Variants in LRRC4C observed in about 807,000 individuals in gnomAD.
The protein encoded by LRRC4C is leucine-rich repeat-containing protein 4C.
A neutral mutation model predicts 33.6 loss-of-function variants in LRRC4C; 5 were observed. The ratio of observed to expected loss-of-function variants is 0.15; its 90% CI spans 0.08 to 0.31. The LOEUF is 0.31. Ranked by LOEUF, LRRC4C falls within the 10% of genes least tolerant of loss-of-function variation. The pLI is 1.00. For missense variants in LRRC4C, 560 were observed against 796.7 expected (o/e 0.70, Z 3.58); for synonymous variants, 329 against 302.0 (o/e 1.09, Z -0.93).
intron 1 of LRRC4C, among the ~76,000 whole-genome samples, chr11:41,151,801 T>C (rs566854433): frequency 6.6e-6 from 1 of 152,194 alleles, no homozygotes; most frequent in South Asian, 2.1e-4. Flanking sequence ...ATAAATACAA[T>C]CCAAACATTA....
chr11:40,492,550 T>C (rs940306029), intron 3 of LRRC4C, among the ~76,000 whole-genome samples: 2 of 152,174 alleles, frequency 1.3e-5, no homozygotes, highest in African/African-American at 4.8e-5. Flanking sequence ...AGTAAACGAC[T>C]CTTGTCTCTT....
At chr11:41,179,418 T>C (rs1286211288) in intron 1 of LRRC4C, among the ~76,000 whole-genome samples, 1 of 152,250 alleles carries the variant, frequency 6.6e-6, no homozygotes, top group Non-Finnish European at 1.5e-5. Flanking sequence ...AGGCCAAACC[T>C]ATCTGGCCTG....
chr11:40,879,208 GC>G (rs138162339), intron 2 of LRRC4C, among the ~76,000 whole-genome samples: 12,904 of 152,096 alleles, frequency 0.085, 606 homozygotes, highest in Non-Finnish European at 0.1. Flanking sequence ...GAAAACTCAA[GC>G]TTTTGAATAT....
chr11:40,906,975 C>A (rs1022701705), intron 2 of LRRC4C, among the ~76,000 whole-genome samples: 1 of 152,120 alleles, frequency 6.6e-6, no homozygotes, highest in Non-Finnish European at 1.5e-5. Flanking sequence ...TATTGTATGG[C>A]AATCCTGGTT....
At chr11:40,141,426 G>C (rs559965628) in intron 5 of LRRC4C, among the ~76,000 whole-genome samples, 102 of 152,238 alleles carry the variant, frequency 6.7e-4, no homozygotes, top group Non-Finnish European at 1.3e-3. Context: ...CTGAGACTGA[G>C]GGCCATGTAC....
chr11:41,279,743 G>C (rs533230409), intron 1 of LRRC4C, among the ~76,000 whole-genome samples: 1 of 152,134 alleles, frequency 6.6e-6, no homozygotes, highest in East Asian at 1.9e-4. Flanking sequence ...TGTCCAACTG[G>C]CACCTTGGAT....
chr11:40,238,454 C>G (rs976523831), intron 5 of LRRC4C, among the ~76,000 whole-genome samples: 2 of 152,120 alleles, frequency 1.3e-5, no homozygotes, highest in South Asian at 4.1e-4. Flanking sequence ...ATACCACAGC[C>G]CCGTTCTGTT....
At chr11:40,976,578 C>A (rs1000098961) in intron 1 of LRRC4C, among the ~76,000 whole-genome samples, 1 of 152,072 alleles carries the variant, frequency 6.6e-6, no homozygotes, top group Non-Finnish European at 1.5e-5. Flanking sequence ...ACTAGTGAGA[C>A]CAAAAATACT....
intron 1 of LRRC4C, among the ~76,000 whole-genome samples, chr11:41,396,734 A>G (rs994725253): frequency 1.3e-5 from 2 of 152,010 alleles, no homozygotes; most frequent in East Asian, 3.9e-4. Context: ...TAAAATGACA[A>G]ACACCCTGGA....
chr11:41,008,709 GTTTACTTATACCAACTTGTAT>G (rs1265135167), intron 1 of LRRC4C, among the ~76,000 whole-genome samples: 3 of 152,084 alleles, frequency 2.0e-5, no homozygotes, highest in African/African-American at 4.8e-5. Flanking sequence ...TCTGCCAGTG[GTTTACTTATACCAACTTGTAT>G]TTAGGATTTG....
Position 40,235,245 on chromosome 11 carries a change from T to C in LRRC4C, c.-96+6274A>G, listed in dbSNP as rs143993892. ...TCCTTGTCTCACACAATTATGCAGATTAAACAAAAATATGCTTGTAAAACA... is the reference window on the plus strand; with the variant it reads ...TCCTTGTCTCACACAATTATGCAGACTAAACAAAAATATGCTTGTAAAACA... On this transcript the variant is annotated intron_variant, in intron 5 of 6. Transcript: ENST00000528697. Among the ~76,000 whole-genome samples, 287 of 152,340 alleles carry C rather than the reference T, an allele frequency of 1.9e-3. 1 individual carries two copies. The highest frequency in any genetic ancestry group is 6.6e-3 in the African/African-American group (275 of 41,592).
At chr11:41,110,191 C>T (rs946369039) in intron 1 of LRRC4C, among the ~76,000 whole-genome samples, 21 of 151,936 alleles carry the variant, frequency 1.4e-4, no homozygotes, top group Admixed American at 5.9e-4. Context: ...GGGTGACTTA[C>T]GGCTTATTCT....
rs375611703 is a variant in LRRC4C at position 40,527,938 on chromosome 11, G to T, written c.-270+120204C>A. ...TAATTTTGCACTTAGTAGAGGTGGGGTTTCTCCATGTTGGTTAGGCTGGTC... is the reference window on the plus strand; with the variant it reads ...TAATTTTGCACTTAGTAGAGGTGGGTTTTCTCCATGTTGGTTAGGCTGGTC... On this transcript the variant is annotated intron_variant, in intron 3 of 6. Coordinates refer to ENST00000528697, the MANE Select transcript of LRRC4C (RefSeq NM_001258419.2). Among the ~76,000 whole-genome samples, 376 of 152,092 alleles carry T rather than the reference G, an allele frequency of 2.5e-3. 1 individual carries two copies. The highest frequency in any genetic ancestry group is 8.7e-3 in the African/African-American group (361 of 41,512).
chr11:41,433,271 T>C (rs1241880234), intron 1 of LRRC4C, among the ~76,000 whole-genome samples: 1 of 152,182 alleles, frequency 6.6e-6, no homozygotes, highest in Non-Finnish European at 1.5e-5. Flanking sequence ...TACCAAAGCA[T>C]ATATAACACT....
intron 2 of LRRC4C, among the ~76,000 whole-genome samples, chr11:40,709,851 A>C (rs969240496): frequency 1.3e-5 from 2 of 152,114 alleles, no homozygotes; most frequent in Non-Finnish European, 2.9e-5. Context: ...TGGTCGTTTC[A>C]CATAGTCCCA....
intron 1 of LRRC4C, among the ~76,000 whole-genome samples, chr11:41,340,920 T>G (rs913223784): frequency 1.2e-4 from 18 of 152,200 alleles, no homozygotes; most frequent in African/African-American, 3.9e-4. Flanking sequence ...GGTTGAGGAT[T>G]CCAGAAGAAA....
At position 40,552,963 on chromosome 11, in the gene LRRC4C, A is replaced by C. The variant is rs549727519; in HGVS notation, c.-270+95179T>G. Among the ~76,000 whole-genome samples, 27 of 152,300 alleles carry C rather than the reference A, an allele frequency of 1.8e-4. No individual in the cohort carries two copies. In the South Asian group the frequency reaches 4.6e-3, roughly 26 times the overall value. ...TTGAAACTGAAAATTTGTTATGCAT[A>C]TACCTGCATATAAAAAGGTGGATCA... On this transcript the variant is annotated intron_variant, in intron 3 of 6. Coordinates refer to ENST00000528697, the MANE Select transcript of LRRC4C (RefSeq NM_001258419.2).
intron 1 of LRRC4C, among the ~76,000 whole-genome samples, chr11:41,152,986 G>A (rs1458360610): frequency 6.6e-6 from 1 of 152,118 alleles, no homozygotes; most frequent in Admixed American, 6.6e-5. Flanking sequence ...GGTTTGCCAT[G>A]AGCTTCTCAT....
At chr11:41,326,620 G>C (rs889132236) in intron 1 of LRRC4C, among the ~76,000 whole-genome samples, 8 of 152,150 alleles carry the variant, frequency 5.3e-5, no homozygotes, top group Non-Finnish European at 1.0e-4. Context: ...AAGAATGAGT[G>C]ATGTAGATCT....
Sources: gnomAD v4.1 joint callset for allele counts (sites outside exome capture counted in the v4.1 genomes callset) on GRCh38, gnomAD v4.1.1 for gene constraint, MANE v1.5 for transcripts, NCBI Gene and HGNC (gene_info 2026-07-23, HGNC 2026-07-21) for gene names.